Variants in DHX30 observed in about 807,000 individuals in gnomAD.
DHX30 encodes the protein ATP-dependent RNA helicase DHX30.
A neutral mutation model predicts 116.9 loss-of-function variants in DHX30; 4 were observed. The ratio of observed to expected loss-of-function variants is 0.03; its 90% CI spans 0.02 to 0.08. DHX30 has a LOEUF of 0.08. DHX30 is among the 10% of genes least tolerant of loss of function. The pLI, the probability that DHX30 is intolerant of heterozygous loss-of-function variation, is 1.00. For synonymous variants in DHX30, 697 were observed against 651.7 expected (o/e 1.07, Z -1.06); for missense variants, 871 against 1,595.1 (o/e 0.55, Z 7.73).
chr3:47,829,309 TATA>T (rs1478575230), intron 6 of DHX30, among the ~76,000 whole-genome samples, 175 bp downstream of exon 6: 31 of 33,060 alleles, frequency 9.4e-4, no homozygotes, highest in African/African-American at 2.1e-3. Flanking sequence ...TATATATATA[TATA>T]TATTTTTTTT....
intron 5 of DHX30, 73 bp downstream of exon 5, chr3:47,827,550 G>T (rs1449447101): frequency 1.9e-6 from 3 of 1,538,900 alleles, no homozygotes; most frequent in African/African-American, 1.4e-5. Flanking sequence ...TCTGTCTTAG[G>T]TTTCTTTGTC....
At chr3:47,842,671 T>C (rs565703714) in intron 8 of DHX30, 8 of 154,158 alleles carry the variant, frequency 5.2e-5, no homozygotes, top group African/African-American at 1.9e-4. Context: ...AAAGGACTCT[T>C]AATTCGTCTC....
At chr3:47,828,957 C>CAA in intron 5 of DHX30, 67 bp from the exon 6 acceptor site, 1 of 931,580 alleles carries the variant, frequency 1.1e-6, no homozygotes, top group Non-Finnish European at 1.7e-6. Context: ...TGTTTATTTT[C>CAA]CATGTAATTT....
intron 6 of DHX30, among the ~76,000 whole-genome samples, chr3:47,830,597 A>G (rs2036801193): frequency 6.6e-6 from 1 of 151,284 alleles, no homozygotes; most frequent in African/African-American, 2.4e-5. Context: ...CACCGTGCCT[A>G]GCTCTAATTT....
rs1242359619 is a variant in DHX30 at position 47,830,447 on chromosome 3, C to CA, written c.366+1323dup. 1.6e-4 allele frequency among the ~76,000 whole-genome samples: 24 copies of CA among 146,494 alleles called. 1 individual carries two copies. Among genetic ancestry groups the CA allele is most frequent in the Admixed American group, 8.2e-4 (12 of 14,664 alleles). ...TGGGCCTCAGGATGAGACTCCGTCA[C>CA]AAAAAAAAAATAATAATAAATTTTT... On this transcript the variant is annotated intron_variant, in intron 6 of 21. Transcript: ENST00000445061.
chr3:47,836,588 G>A (rs11710199), intron 6 of DHX30, among the ~76,000 whole-genome samples: 91,769 of 151,662 alleles, frequency 0.61, 29,044 homozygotes, highest in East Asian at 0.72. Context: ...GCGCAATCTC[G>A]GCTCACTGCA....
At chr3:47,837,500 G>A (rs1338979836) in intron 6 of DHX30, among the ~76,000 whole-genome samples, 1 of 152,092 alleles carries the variant, frequency 6.6e-6, no homozygotes, top group Non-Finnish European at 1.5e-5. Context: ...CAGGCATGAG[G>A]GCCTGTAATC....
Position 47,820,194 on chromosome 3 carries a change from A to G in DHX30, c.124+2077A>G, listed in dbSNP as rs189464900. On this transcript the variant is annotated intron_variant, in intron 4 of 21. Coordinates refer to ENST00000445061, the MANE Select transcript of DHX30 (RefSeq NM_138615.3). ...CTGGGTGTGGTGGTGCATGCCTGTAATCCCAGCTACTTGGGAGGCTGAGGC... is the reference window on the plus strand; with the variant it reads ...CTGGGTGTGGTGGTGCATGCCTGTAGTCCCAGCTACTTGGGAGGCTGAGGC... Among the ~76,000 whole-genome samples, 126 of 152,264 alleles carry G rather than the reference A, an allele frequency of 8.3e-4. No homozygotes were observed. The East Asian group carries it at 0.018, about 21-fold the overall frequency.
At chr3:47,839,790 C>T (rs2037284347) in intron 6 of DHX30, among the ~76,000 whole-genome samples, 2 of 152,180 alleles carry the variant, frequency 1.3e-5, no homozygotes, top group South Asian at 4.1e-4. Flanking sequence ...ATTCTCCTGT[C>T]TCAGCCCCCT....
At chr3:47,828,207 C>T (rs1436047646) in intron 5 of DHX30, among the ~76,000 whole-genome samples, 1 of 151,888 alleles carries the variant, frequency 6.6e-6, no homozygotes, top group Non-Finnish European at 1.5e-5. Context: ...TGCCTGTAAT[C>T]CCAGCACTTT....
At chr3:47,843,343 A>C in intron 9 of DHX30, 88 bp downstream of exon 9, 1 of 1,552,164 alleles carries the variant, frequency 6.4e-7, no homozygotes, top group Non-Finnish European at 8.8e-7. Context: ...TTTTCTAGGA[A>C]ATGAAACCAC....
At chr3:47,839,262 A>G (rs1356940732) in intron 6 of DHX30, among the ~76,000 whole-genome samples, 2 of 151,334 alleles carry the variant, frequency 1.3e-5, no homozygotes, top group African/African-American at 4.9e-5. Context: ...TATTCCTAAC[A>G]TAGGATTCTT....
chr3:47,803,173 G>A lies in DHX30; in HGVS notation c.-162G>A. 1 of 394,118 alleles carries A rather than the reference G, an allele frequency of 2.5e-6. No individual in the cohort carries two copies. The allele number at this position is 394,118 out of a possible 1,614,324, so 24.4% of individuals were successfully genotyped here. ...CGTGGTTGGGGGAGCCGCGGCTCAT[G>A]CGCGGTGCACAGAGGCTTGTTTCAC... On this transcript the variant is annotated 5_prime_UTR_variant, in exon 1 of 22. It removes an upstream start codon present in the reference 5' UTR. Coordinates refer to ENST00000445061, the MANE Select transcript of DHX30 (RefSeq NM_138615.3).
At chr3:47,832,387 A>G (rs2036900983) in intron 6 of DHX30, among the ~76,000 whole-genome samples, 2 of 152,024 alleles carry the variant, frequency 1.3e-5, no homozygotes, top group East Asian at 1.9e-4. Context: ...GGGTCTAGCT[A>G]TGTTGTCTAG....
At chr3:47,815,765 C>T (rs1481017019) in intron 3 of DHX30, among the ~76,000 whole-genome samples, 2 of 123,828 alleles carry the variant, frequency 1.6e-5, no homozygotes, top group South Asian at 3.0e-4. Flanking sequence ...CAAGCTGAGT[C>T]TTTCACAGCC....
rs534542293 is a variant in DHX30 at position 47,813,624 on chromosome 3, C to T, written c.28+2913C>T. 2.6e-5 allele frequency among the ~76,000 whole-genome samples: 4 copies of T among 152,246 alleles called. No individual in the cohort carries two copies. The East Asian group carries it at 5.8e-4, about 22-fold the overall frequency. ...GAGGCTTCTGTCTGAGGATATTTTA[C>T]AAATAAATAAGAACCATAACAGAAC... On this transcript the variant is annotated intron_variant, in intron 3 of 21. Transcript: ENST00000445061.
intron 18 of DHX30, 21 bp from the exon 19 acceptor site, chr3:47,849,171 C>G (rs757420988): frequency 1.2e-6 from 2 of 1,613,552 alleles, no homozygotes; most frequent in South Asian, 2.2e-5. Context: ...TGTAGGTCCA[C>G]CACACATTCT....
Position 47,831,924 on chromosome 3 carries a change from CTTTTTCTTTT to C in DHX30, c.366+2796_366+2805del, listed in dbSNP as rs888951738. Among the ~76,000 whole-genome samples, 7 of 120,420 alleles carry C rather than the reference CTTTTTCTTTT, an allele frequency of 5.8e-5. No homozygotes were observed. In the East Asian group the frequency reaches 8.1e-4, roughly 14 times the overall value. The allele number at this position is 120,420 out of a possible 152,430, so 79.0% of individuals were successfully genotyped here. A position where few individuals can be genotyped will look rare whatever the true frequency, so the allele number is the denominator to read the frequency against. On this transcript the variant is annotated intron_variant, in intron 6 of 21. Coordinates refer to ENST00000445061, the MANE Select transcript of DHX30 (RefSeq NM_138615.3). The stretch of plus-strand genomic sequence containing the variant: ...TAGTTTTCTCTCTGAAGGCCTTTTC[CTTTTTCTTTT>C]TTTTTTTTTTTTTTATTCCTCTCTC...
intron 6 of DHX30, among the ~76,000 whole-genome samples, chr3:47,839,578 G>T (rs2037272997): frequency 6.6e-6 from 1 of 152,066 alleles, no homozygotes; most frequent in African/African-American, 2.4e-5. Context: ...ACATGCGTGA[G>T]CCACCGTGCC....
Sources: allele counts gnomAD v4.1 joint callset (sites outside exome capture counted in the v4.1 genomes callset), GRCh38; gene constraint gnomAD v4.1.1; transcripts MANE v1.5; gene names NCBI Gene and HGNC (gene_info 2026-07-23, HGNC 2026-07-21).